The following ANKRD28 variants were observed in gnomAD, a reference collection of about 807,000 sequenced individuals.
ANKRD28 encodes ankyrin repeat domain 28, also known as serine/threonine-protein phosphatase 6 regulatory ankyrin repeat subunit A.
In ANKRD28, 44 loss-of-function variants were observed where a neutral mutation model predicts 126.5. The observed-to-expected ratio is 0.35, with a 90% CI of 0.27 to 0.45. The LOEUF is 0.45. Among genes scored for constraint, ANKRD28 ranks in the 20% least tolerant of loss-of-function variants. ANKRD28 has a pLI of 1.00. For missense variants in ANKRD28, 1,110 were observed against 1,316.6 expected (o/e 0.84, Z 2.43); for synonymous variants, 442 against 468.5 (o/e 0.94, Z 0.73).
At position 15,814,730 on chromosome 3, in the gene ANKRD28, T is replaced by C. The variant is rs542055110; in HGVS notation, c.28-19424A>G. On this transcript the variant is annotated intron_variant, in intron 1 of 27. Coordinates refer to the ANKRD28 transcript ENST00000399451. The surrounding 1 kb of genome is among the most constrained non-coding windows in gnomAD (Gnocchi z 4.7). ...GCAATTATTTACCCATGGGGACGTG[T>C]TGATTTAAGAAACTGCCTATGAAAA... Among the ~76,000 whole-genome samples, 2 of 152,142 alleles carry C rather than the reference T, an allele frequency of 1.3e-5. No homozygotes were observed. The highest frequency in any genetic ancestry group is 2.4e-5 in the African/African-American group (1 of 41,562).
intron 4 of ANKRD28, among the ~76,000 whole-genome samples, chr3:15,744,705 CAT>C (rs890419947): frequency 5.3e-5 from 8 of 152,182 alleles, no homozygotes; most frequent in Admixed American, 1.3e-4. Context: ...CTGCTATAAA[CAT>C]GTGTGTACCA....
rs2067005440 is a variant in ANKRD28 at position 15,677,010 on chromosome 3, C to T, written c.2837G>A (p.Arg946Lys). Residue 946 changes from arginine (R) to lysine (K), a missense_variant, in exon 26 of 28, where the codon AGA (arginine) becomes AAA (lysine). Coordinates refer to ENST00000683139, the MANE Select transcript of ANKRD28 (RefSeq NM_001349278.2). ...ALLILEKITD[R>K]NLINATNAAL... ...TGCGTTGGTTGCATTGATGAGGTTT[C>T]TATCTGTTATCTTTTCCAGTATTAA... 6 of 1,613,210 alleles carry T rather than the reference C, an allele frequency of 3.7e-6. No homozygotes were observed. The highest frequency in any genetic ancestry group is 1.7e-4 in the Middle Eastern group (1 of 6,048).
rs187440653 is a variant in ANKRD28, at chr3:15,822,436, A to G, written c.28-27130T>C. On this transcript the variant is annotated intron_variant, in intron 1 of 27. Transcript: ENST00000399451. ...TTACAAAAATAGTTTTAAAAGACTC[A>G]TTAAACAACCACCAGAACAAGCAGC... 2.1e-3 allele frequency among the ~76,000 whole-genome samples: 320 copies of G among 152,364 alleles called. 1 individual carries two copies. Among genetic ancestry groups the G allele is most frequent in the African/African-American group, 7.5e-3 (311 of 41,598 alleles).
rs567500613 is a variant in ANKRD28 at position 15,670,967 on chromosome 3, T to A, written c.2966-411A>T. Among the ~76,000 whole-genome samples the A allele has an allele frequency of 2.5e-3, 383 of 152,322 alleles. 4 individuals are homozygous for A. Among genetic ancestry groups the A allele is most frequent in the South Asian group, 0.018 (88 of 4,828 alleles). ...GTCAAGGTAAGAAAAAATAAAAAAA[T>A]TTAATTTGTAGTTATGTAAGGAAAC... On this transcript the variant is annotated intron_variant, in intron 27 of 27. Transcript: ENST00000683139.
At chr3:15,792,385 C>A (rs1429532898) in intron 2 of ANKRD28, among the ~76,000 whole-genome samples, 1 of 152,030 alleles carries the variant, frequency 6.6e-6, no homozygotes, top group Non-Finnish European at 1.5e-5. Context: ...TACTCGTCAG[C>A]CATAAAAAAA....
chr3:15,743,041 T>C (rs1431349388), intron 4 of ANKRD28, among the ~76,000 whole-genome samples: 1 of 152,114 alleles, frequency 6.6e-6, no homozygotes, highest in African/African-American at 2.4e-5. Flanking sequence ...AGAAAAATTC[T>C]TCTGCCTTGT....
At chr3:15,800,575 C>T (rs539385761), upstream of ANKRD28, among the ~76,000 whole-genome samples, 31 of 152,138 alleles carry the variant, frequency 2.0e-4, no homozygotes, top group South Asian at 6.4e-3. Context: ...TCTGGAGATC[C>T]CATTCAGTTG....
chr3:15,681,029 G>A (rs575479734), intron 21 of ANKRD28, among the ~76,000 whole-genome samples: 8 of 152,204 alleles, frequency 5.3e-5, no homozygotes, highest in African/African-American at 1.9e-4. Flanking sequence ...ATATTGCTGT[G>A]GTAAAGGAGA....
intron 16 of ANKRD28, 140 bp from the exon 17 acceptor site, chr3:15,694,953 A>G: frequency 2.4e-6 from 2 of 827,272 alleles, no homozygotes; most frequent in Non-Finnish European, 3.9e-6. Flanking sequence ...ATGAAAGTAT[A>G]CTAAGGACCA....
chr3:15,696,190 C>T lies in ANKRD28; in HGVS notation c.1603G>A (p.Gly535Arg). The change falls in exon 15 of 28, where the codon GGA becomes AGA. Residue 535 changes from glycine (G) to arginine (R), a missense_variant. Gly to Arg is a moderately radical substitution (Grantham distance 125). Coordinates refer to ENST00000683139, the MANE Select transcript of ANKRD28 (RefSeq NM_001349278.2). Reference sequence around the variant, plus strand: ...GCTGAATAATGAACTGCGTTGTATCCTTGCTTATCACGGATCCCTGGATTT... The same window carrying T: ...GCTGAATAATGAACTGCGTTGTATCTTTGCTTATCACGGATCCCTGGATTT... ...DANPGIRDKQ[G>R]YNAVHYSAAY... The T allele has an allele frequency of 6.3e-7, 1 of 1,594,994 alleles. No individual in the cohort carries two copies. The highest frequency in any genetic ancestry group is 8.6e-7 in the Non-Finnish European group (1 of 1,169,062).
Position 15,756,604 on chromosome 3 carries a change from G to A in ANKRD28, c.281-4784C>T, listed in dbSNP as rs1271643030. 1.5e-5 allele frequency: 10 copies of A among 651,736 alleles called. No homozygotes were observed. The Admixed American group carries it at 5.7e-4, about 37-fold the overall frequency. The allele number at this position is 651,736 out of a possible 1,614,324, so 40.4% of individuals were successfully genotyped here. A position where few individuals can be genotyped will look rare whatever the true frequency, so the allele number is the denominator to read the frequency against. On this transcript the variant is annotated intron_variant, in intron 3 of 27. Transcript: ENST00000683139. ...AGGAGAGATACGTGATCTCATAATG[G>A]CTGTATAACTAGTTGGCTGTGTGAC...
At chr3:15,703,884 C>T (rs1247255765) in intron 14 of ANKRD28, among the ~76,000 whole-genome samples, 2 of 152,114 alleles carry the variant, frequency 1.3e-5, no homozygotes, top group Non-Finnish European at 2.9e-5. Context: ...AGGACTTCAA[C>T]TTTGATTAAG....
chr3:15,793,726 C>T (rs896180339), intron 2 of ANKRD28, among the ~76,000 whole-genome samples: 2 of 152,140 alleles, frequency 1.3e-5, no homozygotes, highest in East Asian at 3.9e-4. Flanking sequence ...GAAACGCATA[C>T]TCTTCAGTAT....
At chr3:15,799,927 C>T (rs1353258329), upstream of ANKRD28, among the ~76,000 whole-genome samples, 1 of 151,956 alleles carries the variant, frequency 6.6e-6, no homozygotes, top group African/African-American at 2.4e-5. Context: ...GATTTATAAA[C>T]AAGAATAGTG....
At chr3:15,754,891 C>A (rs926659434) in intron 3 of ANKRD28, among the ~76,000 whole-genome samples, 3 of 151,972 alleles carry the variant, frequency 2.0e-5, no homozygotes, top group Non-Finnish European at 4.4e-5. Flanking sequence ...CCAAGGCGGG[C>A]AAATCACCTG....
chr3:15,711,388 G>T (rs1354372965), intron 11 of ANKRD28, 114 bp from the exon 12 acceptor site: 4 of 793,786 alleles, frequency 5.0e-6, no homozygotes, highest in African/African-American at 1.8e-5. Context: ...AAAACTATGG[G>T]TTCTTAAGTG....
intron 27 of ANKRD28, 129 bp downstream of exon 27, chr3:15,675,769 A>T: frequency 1.4e-6 from 1 of 725,654 alleles, no homozygotes; most frequent in Non-Finnish European, 2.1e-6. Flanking sequence ...TTTGCCACAA[A>T]CTACTCTTCA....
chr3:15,689,785 T>A, intron 18 of ANKRD28: 1 of 452,436 alleles, frequency 2.2e-6, no homozygotes, highest in South Asian at 3.9e-5. Flanking sequence ...TATAATACAC[T>A]GTATTTAAGT....
chr3:15,714,543 A>C, intron 9 of ANKRD28, 35 bp downstream of exon 9: 2 of 1,491,322 alleles, frequency 1.3e-6, no homozygotes, highest in Non-Finnish European at 1.8e-6. Context: ...AAAAAAAAAA[A>C]AAAACCCCAA....
Sources: gnomAD v4.1 joint callset for allele counts (sites outside exome capture counted in the v4.1 genomes callset) on GRCh38, gnomAD v4.1.1 for gene constraint, Gnocchi (gnomAD v3.1) non-coding constraint, MANE v1.5 for transcripts, NCBI Gene and HGNC (gene_info 2026-07-23, HGNC 2026-07-21) for gene names.